The following KSR2 variants were observed in gnomAD, a reference collection of about 807,000 sequenced individuals.
KSR2 encodes kinase suppressor of ras 2.
Under a neutral mutation model 107.8 loss-of-function variants are expected in KSR2, and 25 were observed. The ratio of observed to expected loss-of-function variants is 0.23; its 90% CI spans 0.17 to 0.32. KSR2 has a LOEUF of 0.32. Among genes scored for constraint, KSR2 ranks in the 10% least tolerant of loss-of-function variants. The probability of loss-of-function intolerance (pLI) is 1.00; values close to 1 mark genes in which losing one functional copy is unlikely to be tolerated. For missense variants in KSR2, 887 were observed against 1,268.9 expected, an observed-to-expected ratio of 0.70 and a Z score of 4.57; for synonymous variants, 480 against 507.0, an observed-to-expected ratio of 0.95 and a Z score of 0.71.
intron 7 of KSR2, among the ~76,000 whole-genome samples, chr12:117,574,438 G>GT (rs1218095270): frequency 6.6e-6 from 1 of 152,166 alleles, no homozygotes; most frequent in East Asian, 1.9e-4. Flanking sequence ...CGGACTCACA[G>GT]TTCCATGTGG....
At chr12:117,656,987 T>TCATAGG (rs2136453184) in intron 5 of KSR2, among the ~76,000 whole-genome samples, 4 of 26,706 alleles carry the variant, frequency 1.5e-4, no homozygotes, top group African/African-American at 4.2e-4. Context: ...ATAGGATATA[T>TCATAGG]ATATATATAT....
chr12:117,851,648 T>G (rs1262085561), intron 3 of KSR2, among the ~76,000 whole-genome samples: 1 of 152,030 alleles, frequency 6.6e-6, no homozygotes. Flanking sequence ...CCCAGCACTT[T>G]GGGAGGTCGA....
intron 5 of KSR2, among the ~76,000 whole-genome samples, chr12:117,658,820 GA>G (rs1884297567): frequency 1.3e-5 from 2 of 152,146 alleles, no homozygotes; most frequent in African/African-American, 2.4e-5. Flanking sequence ...CCACTTCATA[GA>G]AATGAGGTCA....
chr12:117,701,179 C>G (rs1886293729), intron 4 of KSR2, among the ~76,000 whole-genome samples: 1 of 152,184 alleles, frequency 6.6e-6, no homozygotes, highest in Admixed American at 6.5e-5. Context: ...CCTCCACCTC[C>G]TGGGTTTAAG....
chr12:117,933,252 A>C (rs1895744195), intron 1 of KSR2, among the ~76,000 whole-genome samples: 1 of 152,230 alleles, frequency 6.6e-6, no homozygotes, highest in African/African-American at 2.4e-5. Context: ...AATTTTTAGT[A>C]TAAGTATGTT....
At chr12:117,775,218 T>C (rs1889645780) in intron 3 of KSR2, among the ~76,000 whole-genome samples, 1 of 152,210 alleles carries the variant, frequency 6.6e-6, no homozygotes, top group South Asian at 2.1e-4. Flanking sequence ...GTTAACCTTC[T>C]GAGAAACCAC....
intron 5 of KSR2, among the ~76,000 whole-genome samples, chr12:117,639,272 C>T (rs1565939130): frequency 1.3e-5 from 2 of 151,748 alleles, no homozygotes; most frequent in South Asian, 4.2e-4. Context: ...TACATATAAG[C>T]ACATACACAC....
chr12:117,949,601 G>T (rs922719181), intron 1 of KSR2, among the ~76,000 whole-genome samples: 1 of 152,114 alleles, frequency 6.6e-6, no homozygotes, highest in African/African-American at 2.4e-5. Context: ...TTACACAAAT[G>T]TATACATTAA....
Position 117,573,703 on chromosome 12 carries a change from A to G in KSR2, c.1325+5416T>C, listed in dbSNP as rs144034585. On this transcript the variant is annotated intron_variant, in intron 7 of 19. Coordinates refer to ENST00000339824, the MANE Select transcript of KSR2 (RefSeq NM_173598.6). ...TCACCAAACTCGGCTAATTTTTTGTATTTTTAGTGGAGATGGGGTTTCACC... is the reference window on the plus strand; with the variant it reads ...TCACCAAACTCGGCTAATTTTTTGTGTTTTTAGTGGAGATGGGGTTTCACC... 3.3e-3 allele frequency among the ~76,000 whole-genome samples: 494 copies of G among 151,574 alleles called. 1 individual carries two copies. Among genetic ancestry groups the G allele is most frequent in the African/African-American group, 0.011 (457 of 41,292 alleles).
chr12:117,647,444 G>C (rs1883701471), intron 5 of KSR2, among the ~76,000 whole-genome samples: 1 of 152,158 alleles, frequency 6.6e-6, no homozygotes, highest in Admixed American at 6.5e-5. Context: ...TGTGTGCCAG[G>C]AGCCAGCACG....
At chr12:117,684,128 C>T (rs1351884544) in intron 4 of KSR2, among the ~76,000 whole-genome samples, 1 of 152,168 alleles carries the variant, frequency 6.6e-6, no homozygotes, top group Non-Finnish European at 1.5e-5. Flanking sequence ...TCCCCTAGAG[C>T]CCTCATCTCT....
At chr12:117,762,442 C>T (rs1208160672) in intron 3 of KSR2, among the ~76,000 whole-genome samples, 2 of 152,214 alleles carry the variant, frequency 1.3e-5, no homozygotes, top group African/African-American at 4.8e-5. Flanking sequence ...AAAAGCAACA[C>T]AGATGAGACC....
chr12:117,571,163 C>A (rs139201322), intron 7 of KSR2, among the ~76,000 whole-genome samples: 1 of 152,004 alleles, frequency 6.6e-6, no homozygotes, highest in Non-Finnish European at 1.5e-5. Flanking sequence ...GAGGCGGAGG[C>A]GGGAGAATTG....
chr12:117,559,890 C>T (rs1013209103), intron 7 of KSR2, among the ~76,000 whole-genome samples: 12 of 152,200 alleles, frequency 7.9e-5, no homozygotes, highest in African/African-American at 1.4e-4. Context: ...CCATTTTGCA[C>T]ATACCAGTCT....
chr12:117,649,378 G>T (rs1883790367), intron 5 of KSR2, among the ~76,000 whole-genome samples: 1 of 152,168 alleles, frequency 6.6e-6, no homozygotes, highest in African/African-American at 2.4e-5. Context: ...ATTCAGGTAT[G>T]CTGTAGGGTG....
At chr12:117,615,648 G>A (rs776273047) in intron 5 of KSR2, among the ~76,000 whole-genome samples, 5 of 152,114 alleles carry the variant, frequency 3.3e-5, no homozygotes, top group Non-Finnish European at 5.9e-5. Context: ...GCACCAACTT[G>A]CCATCCATAT....
Position 117,550,598 on chromosome 12 carries a change from A to G in KSR2, c.1518+4571T>C, listed in dbSNP as rs1312589266. Reference sequence around the variant, plus strand: ...ATTAGGAAGAAGAGCAGAGAGCATTAGGAGCAAAGGCTGAGATAAGATGAG... The same window carrying G: ...ATTAGGAAGAAGAGCAGAGAGCATTGGGAGCAAAGGCTGAGATAAGATGAG... On this transcript the variant is annotated intron_variant, in intron 9 of 19. Coordinates refer to ENST00000339824, the MANE Select transcript of KSR2 (RefSeq NM_173598.6). Among the ~76,000 whole-genome samples the G allele has an allele frequency of 3.3e-5, 5 of 152,352 alleles. No homozygotes were observed. The East Asian group carries it at 9.6e-4, about 29-fold the overall frequency.
intron 3 of KSR2, among the ~76,000 whole-genome samples, chr12:117,824,263 G>T (rs1315594786): frequency 1.3e-5 from 2 of 151,954 alleles, no homozygotes; most frequent in South Asian, 2.1e-4. Flanking sequence ...GCAGGGGGAG[G>T]GGGAGGGGGT....
intron 4 of KSR2, among the ~76,000 whole-genome samples, chr12:117,672,989 C>T (rs1404631401): frequency 1.3e-5 from 2 of 152,124 alleles, no homozygotes; most frequent in African/African-American, 4.8e-5. Context: ...ACAGCAAAAC[C>T]CTCTGGTGAT....
Sources: gnomAD v4.1 joint callset for allele counts (sites outside exome capture counted in the v4.1 genomes callset) on GRCh38, gnomAD v4.1.1 for gene constraint, MANE v1.5 for transcripts, NCBI Gene and HGNC (gene_info 2026-07-23, HGNC 2026-07-21) for gene names.